Variants in COL14A1 observed in about 807,000 individuals in gnomAD.
COL14A1 encodes collagen alpha-1(XIV) chain.
Under a neutral mutation model 230.3 loss-of-function variants are expected in COL14A1, and 136 were observed. The observed-to-expected ratio is 0.59, with a 90% CI of 0.51 to 0.68. The LOEUF (loss-of-function observed/expected upper bound fraction) is 0.68. COL14A1 is among the 30% of genes least tolerant of loss of function. COL14A1 has a pLI of 0.00. For synonymous variants in COL14A1, 792 were observed against 784.1 expected (o/e 1.01, Z -0.17); for missense variants, 1,976 against 2,215.8 (o/e 0.89, Z 2.17).
chr8:120,185,880 C>T (rs1034059195), intron 5 of COL14A1, among the ~76,000 whole-genome samples: 1 of 152,144 alleles, frequency 6.6e-6, no homozygotes, highest in African/African-American at 2.4e-5. Flanking sequence ...TCAAGCAATT[C>T]TCCTGCCTCA....
At chr8:120,158,802 A>T (rs372255082) in intron 3 of COL14A1, among the ~76,000 whole-genome samples, 2 of 152,312 alleles carry the variant, frequency 1.3e-5, no homozygotes, top group Admixed American at 6.5e-5. Flanking sequence ...AGAAGCTTTA[A>T]ATTAAGTGTC....
intron 37 of COL14A1, among the ~76,000 whole-genome samples, chr8:120,312,433 CA>C (rs941818186): frequency 2.6e-5 from 4 of 152,166 alleles, no homozygotes; most frequent in Non-Finnish European, 4.4e-5. Flanking sequence ...TTAACACAAT[CA>C]AACACTTCTT....
chr8:120,333,675 A>G lies in COL14A1; in HGVS notation c.4785+940A>G, dbSNP rs181195316. 3.3e-5 allele frequency among the ~76,000 whole-genome samples: 5 copies of G among 152,328 alleles called. No homozygotes were observed. In the East Asian group the frequency reaches 9.7e-4, roughly 29 times the overall value. ...TTGTTATCTTACAGTTCCGCAGGTC[A>G]GAAGTCTGGCGCAGATCTCACTGAG... On this transcript the variant is annotated intron_variant, in intron 42 of 47. Transcript: ENST00000297848.
At chr8:120,364,657 C>T (rs1029704326) in intron 45 of COL14A1, among the ~76,000 whole-genome samples, 11 of 152,082 alleles carry the variant, frequency 7.2e-5, no homozygotes, top group Middle Eastern at 3.4e-3. Flanking sequence ...TTAAGGTGGG[C>T]GGATCATTTG....
chr8:120,301,372 A>G (rs1322538196), intron 36 of COL14A1, among the ~76,000 whole-genome samples: 1 of 152,100 alleles, frequency 6.6e-6, no homozygotes, highest in Non-Finnish European at 1.5e-5. Context: ...ACCCTCAGGT[A>G]GGCCCCCGTG....
chr8:120,278,683 A>G (rs1819933797), intron 28 of COL14A1, 105 bp downstream of exon 28: 3 of 1,129,236 alleles, frequency 2.7e-6, no homozygotes. Context: ...GTTTTAAAAT[A>G]TTTCTTCATA....
Position 120,321,853 on chromosome 8 carries a change from G to T in COL14A1, c.4659+5856G>T, listed in dbSNP as rs1339142152. ...CAGATTCCTGGACTTCAATCTCAGA[G>T]ATTCGGATACAAAAGGTCTTAGGCA... On this transcript the variant is annotated intron_variant, in intron 40 of 47. Coordinates refer to ENST00000297848, the MANE Select transcript of COL14A1 (RefSeq NM_021110.4). Among the ~76,000 whole-genome samples the T allele has an allele frequency of 2.0e-5, 3 of 152,098 alleles. No individual in the cohort carries two copies. In the East Asian group the frequency reaches 5.8e-4, roughly 29 times the overall value.
intron 2 of COL14A1, among the ~76,000 whole-genome samples, chr8:120,154,845 A>C (rs1815411829): frequency 6.6e-6 from 1 of 152,198 alleles, no homozygotes; most frequent in Non-Finnish European, 1.5e-5. Flanking sequence ...TCTGGTATAA[A>C]ATGTACACAA....
chr8:120,206,491 A>G (rs1189945722), intron 9 of COL14A1, among the ~76,000 whole-genome samples: 1 of 152,154 alleles, frequency 6.6e-6, no homozygotes, highest in Admixed American at 6.5e-5. Flanking sequence ...CTGGGATTAC[A>G]GGCACCTGCT....
At chr8:120,362,153 T>G (rs1823242350) in intron 45 of COL14A1, among the ~76,000 whole-genome samples, 1 of 152,074 alleles carries the variant, frequency 6.6e-6, no homozygotes, top group African/African-American at 2.4e-5. Flanking sequence ...GGGAGTGCAG[T>G]GGTTGAGCAC....
chr8:120,371,389 T>C lies in COL14A1; in HGVS notation c.*158T>C. Reference sequence around the variant, plus strand: ...GATAATGTTAATATTATTATTATTATTAACAAAAAATATATATTTTTAAAA... The same window carrying C: ...GATAATGTTAATATTATTATTATTACTAACAAAAAATATATATTTTTAAAA... On this transcript the variant is annotated 3_prime_UTR_variant, in exon 48 of 48. Coordinates refer to ENST00000297848, the MANE Select transcript of COL14A1 (RefSeq NM_021110.4). 1 of 386,900 alleles carries C rather than the reference T, an allele frequency of 2.6e-6. No homozygotes were observed. The highest frequency in any genetic ancestry group is 4.5e-6 in the Non-Finnish European group (1 of 221,064). 24.0% of individuals were successfully genotyped at this position (386,900 alleles called of 1,614,324 possible). A position where few individuals can be genotyped will look rare whatever the true frequency, so the allele number is the denominator to read the frequency against.
chr8:120,315,937 T>C lies in COL14A1; in HGVS notation c.4606-7T>C. 1 of 1,613,610 alleles carries C rather than the reference T, an allele frequency of 6.2e-7. No individual in the cohort carries two copies. The highest frequency in any genetic ancestry group is 2.2e-5 in the East Asian group (1 of 44,864). On this transcript the variant is annotated splice_polypyrimidine_tract_variant and splice_region_variant and intron_variant, in intron 39 of 47. Coordinates refer to ENST00000297848, the MANE Select transcript of COL14A1 (RefSeq NM_021110.4). ...ACCTGACTCTTTTTTGTCCCTGTTC[T>C]ACACAGGGTATCCCAGGAGGCGTTG... is the stretch of plus-strand genomic sequence containing the variant.
At chr8:120,225,303 T>G (rs1269830821) in intron 15 of COL14A1, 89 bp downstream of exon 15, 1 of 1,131,726 alleles carries the variant, frequency 8.8e-7, no homozygotes, top group Non-Finnish European at 1.3e-6. Flanking sequence ...TTATTTGTGA[T>G]TTTGAAGAGA....
intron 2 of COL14A1, among the ~76,000 whole-genome samples, chr8:120,156,930 C>T (rs139690096): frequency 1.3e-5 from 2 of 152,266 alleles, no homozygotes; most frequent in African/African-American, 4.8e-5. Context: ...TTTCTGTACA[C>T]TCTGTTTTTT....
At chr8:120,289,580 C>T in intron 33 of COL14A1, 28 bp from the exon 34 acceptor site, 1 of 1,601,696 alleles carries the variant, frequency 6.2e-7, no homozygotes. Context: ...CTGTTTCTTA[C>T]CTCCTAAAAC....
Position 120,278,120 on chromosome 8 carries a change from G to A in COL14A1, c.3223G>A (p.Val1075Ile). 6.2e-7 allele frequency: 1 copy of A among 1,605,636 alleles called. No individual in the cohort carries two copies. The highest frequency in any genetic ancestry group is 8.5e-7 in the Non-Finnish European group (1 of 1,176,856). ...IGTDGTQVAM[V>I]QFTDDPRTEF... ...CACCTTCTCTCTCCAGGTTGCAATG[G>A]TTCAGTTCACTGATGATCCCAGAAC... is the stretch of plus-strand genomic sequence containing the variant. The change falls in exon 27 of 48, where the codon GTT (valine) becomes ATT (isoleucine). Residue 1075 changes from valine to isoleucine, a missense_variant. Coordinates refer to ENST00000297848, the MANE Select transcript of COL14A1 (RefSeq NM_021110.4).
chr8:120,297,989 T>G (rs1820579162), intron 35 of COL14A1, among the ~76,000 whole-genome samples: 2 of 152,016 alleles, frequency 1.3e-5, no homozygotes, highest in Admixed American at 1.3e-4. Context: ...ACAATGCACA[T>G]ACATTGAAAG....
chr8:120,200,160 C>G (rs1035496151), intron 8 of COL14A1, among the ~76,000 whole-genome samples: 1 of 121,670 alleles, frequency 8.2e-6, no homozygotes, highest in Non-Finnish European at 1.7e-5. Context: ...GGAACGTCTT[C>G]TATTTAGTAG....
intron 8 of COL14A1, among the ~76,000 whole-genome samples, chr8:120,202,474 T>C (rs1817280589): frequency 6.6e-6 from 1 of 152,132 alleles, no homozygotes; most frequent in Admixed American, 6.5e-5. Flanking sequence ...CCTCCGATGA[T>C]TGAAATGACG....
Sources: allele counts gnomAD v4.1 joint callset (sites outside exome capture counted in the v4.1 genomes callset), GRCh38; gene constraint gnomAD v4.1.1; transcripts MANE v1.5; gene names NCBI Gene and HGNC (gene_info 2026-07-23, HGNC 2026-07-21).